The following SYT14 variants were observed in gnomAD, a reference collection of about 807,000 sequenced individuals.
SYT14 encodes the protein synaptotagmin 14, also known as synaptotagmin-14.
In SYT14, 32 loss-of-function variants were observed where a neutral mutation model predicts 74.2. The ratio of observed to expected loss-of-function variants is 0.43; its 90% CI spans 0.33 to 0.58. The LOEUF (loss-of-function observed/expected upper bound fraction) is 0.58. SYT14 is among the 20% of genes least tolerant of loss of function. SYT14 has a pLI of 0.05. For missense variants in SYT14, 791 were observed against 981.8 expected, an observed-to-expected ratio of 0.81 and a Z score of 2.60; for synonymous variants, 298 against 337.7, an observed-to-expected ratio of 0.88 and a Z score of 1.29.
intron 5 of SYT14, among the ~76,000 whole-genome samples, chr1:210,091,219 A>T (rs901435793): frequency 2.0e-5 from 3 of 152,154 alleles, no homozygotes; most frequent in African/African-American, 2.4e-5. Context: ...GTGAAAATAC[A>T]CTTAGTTGGC....
intron 5 of SYT14, among the ~76,000 whole-genome samples, chr1:210,031,609 GT>G (rs1366108063): frequency 6.6e-6 from 1 of 152,082 alleles, no homozygotes; most frequent in Non-Finnish European, 1.5e-5. Context: ...CAGGTCGTCT[GT>G]TTCTTCTTGT....
intron 2 of SYT14, among the ~76,000 whole-genome samples, chr1:209,968,719 C>G (rs2079195652): frequency 6.8e-6 from 1 of 148,106 alleles, no homozygotes; most frequent in South Asian, 2.1e-4. Context: ...GGTTTAGTAG[C>G]TCATTTCTTT....
At chr1:210,029,926 G>A (rs979880658) in intron 5 of SYT14, among the ~76,000 whole-genome samples, 1 of 152,074 alleles carries the variant, frequency 6.6e-6, no homozygotes, top group South Asian at 2.1e-4. Flanking sequence ...TTTTGGAAAT[G>A]TTTTACAGTT....
chr1:210,169,221 G>GTTTTGTTTTTTTTT (rs2083492384), exon 10 of SYT14: 5 of 50,242 alleles, frequency 1.0e-4, no homozygotes, highest in African/African-American at 3.1e-4. Flanking sequence ...TGTTTTTGGT[G>GTTTTGTTTTTTTTT]TTTTTTTTTT....
At chr1:210,107,502 TAAA>T (rs1170334023) in intron 7 of SYT14, among the ~76,000 whole-genome samples, 2 of 152,150 alleles carry the variant, frequency 1.3e-5, no homozygotes, top group African/African-American at 4.8e-5. Context: ...CTGGACAGTA[TAAA>T]AAATACTGTA....
chr1:210,152,789 T>G (rs1156627183), intron 7 of SYT14, among the ~76,000 whole-genome samples: 1 of 152,218 alleles, frequency 6.6e-6, no homozygotes, highest in Non-Finnish European at 1.5e-5. Context: ...TGCTTTTCTT[T>G]ATAATGTTAC....
chr1:210,068,787 T>C (rs1021157870), intron 5 of SYT14, among the ~76,000 whole-genome samples: 1 of 151,762 alleles, frequency 6.6e-6, no homozygotes, highest in East Asian at 1.9e-4. Context: ...CTCTATAGAA[T>C]TGGTTTTTTA....
chr1:210,100,590 C>CA (rs2082046606), intron 7 of SYT14, 129 bp downstream of exon 6: 18 of 899,584 alleles, frequency 2.0e-5, no homozygotes, highest in Non-Finnish European at 2.9e-5. Flanking sequence ...CATGCCTTTA[C>CA]AAAAATATCT....
chr1:210,010,379 A>G (rs2080065163), intron 2 of SYT14, among the ~76,000 whole-genome samples: 1 of 152,182 alleles, frequency 6.6e-6, no homozygotes, highest in Non-Finnish European at 1.5e-5. Context: ...GGTACTTTGA[A>G]GATACAGAGG....
exon 10 of SYT14, chr1:210,164,292 AAAAG>A (rs1177388134): frequency 8.2e-6 from 2 of 244,558 alleles, no homozygotes; most frequent in East Asian, 2.0e-4. Context: ...CAATTAAAAA[AAAAG>A]AAAACCCAAT....
At chr1:210,013,922 C>G in intron 3 of SYT14, 125 bp downstream of exon 3, 1 of 914,538 alleles carries the variant, frequency 1.1e-6, no homozygotes, top group Non-Finnish European at 1.6e-6. Flanking sequence ...AGCTACTGTT[C>G]TGTAAAAGAT....
At chr1:209,957,603 T>C (rs1244065364) in intron 2 of SYT14, among the ~76,000 whole-genome samples, 1 of 152,048 alleles carries the variant, frequency 6.6e-6, no homozygotes, top group Non-Finnish European at 1.5e-5. Flanking sequence ...ATTTTTGTAT[T>C]TTTAGTAGAG....
intron 7 of SYT14, among the ~76,000 whole-genome samples, chr1:210,112,094 C>G (rs59230578): frequency 0.13 from 18,942 of 150,990 alleles, 4,508 homozygotes; most frequent in African/African-American, 0.43. Flanking sequence ...AATTATGTCT[C>G]ACAGAAGGGA....
At chr1:210,128,116 T>TA (rs1044649453) in intron 7 of SYT14, among the ~76,000 whole-genome samples, 2 of 152,222 alleles carry the variant, frequency 1.3e-5, no homozygotes, top group African/African-American at 4.8e-5. Context: ...CTCACGCCTG[T>TA]AATCCCAGCA....
chr1:210,012,993 C>T (rs1053977961), intron 2 of SYT14, among the ~76,000 whole-genome samples: 13 of 151,924 alleles, frequency 8.6e-5, no homozygotes, highest in South Asian at 2.1e-4. Flanking sequence ...TGAGCCACCA[C>T]GCCTGGCCTT....
At chr1:210,042,990 G>T (rs1338923223) in intron 5 of SYT14, among the ~76,000 whole-genome samples, 1 of 152,150 alleles carries the variant, frequency 6.6e-6, no homozygotes, top group African/African-American at 2.4e-5. Flanking sequence ...CATGAGCATG[G>T]AATGTTTTTC....
At chr1:209,992,553 T>C (rs533375167) in intron 2 of SYT14, among the ~76,000 whole-genome samples, 1 of 152,130 alleles carries the variant, frequency 6.6e-6, no homozygotes, top group African/African-American at 2.4e-5. Flanking sequence ...GAGAGAAGGA[T>C]GAGGGATGGG....
chr1:210,150,569 C>A (rs1370706875), intron 7 of SYT14, among the ~76,000 whole-genome samples: 1 of 152,142 alleles, frequency 6.6e-6, no homozygotes, highest in Admixed American at 6.6e-5. Context: ...TCATTAGCGG[C>A]AGCTCTAACT....
At chr1:210,079,867 G>A (rs1034090343) in intron 5 of SYT14, among the ~76,000 whole-genome samples, 4 of 152,278 alleles carry the variant, frequency 2.6e-5, no homozygotes, top group Middle Eastern at 3.4e-3. Flanking sequence ...AATATTGATT[G>A]AAATTAACAT....
Sources: allele counts gnomAD v4.1 joint callset (sites outside exome capture counted in the v4.1 genomes callset), GRCh38; gene constraint gnomAD v4.1.1; transcripts MANE v1.5; gene names NCBI Gene and HGNC (gene_info 2026-07-23, HGNC 2026-07-21).